The following ZDHHC14 variants were observed in gnomAD, a reference collection of about 807,000 sequenced individuals.
ZDHHC14 encodes the protein palmitoyltransferase ZDHHC14.
ZDHHC14 carries 16 observed loss-of-function variants against 47.7 expected under a neutral mutation model. The ratio of observed to expected loss-of-function variants is 0.34; its 90% confidence interval spans 0.23 to 0.51. ZDHHC14 has a LOEUF of 0.51. ZDHHC14 is among the 20% of genes least tolerant of loss of function. The probability of loss-of-function intolerance (pLI) is 0.97; values close to 1 mark genes in which losing one functional copy is unlikely to be tolerated. For missense variants in ZDHHC14, 515 were observed against 662.5 expected, an observed-to-expected ratio of 0.78 and a Z score of 2.44; for synonymous variants, 293 against 278.9, an observed-to-expected ratio of 1.05 and a Z score of -0.50.
At chr6:157,470,052 G>A (rs1271063494) in intron 1 of ZDHHC14, among the ~76,000 whole-genome samples, 3 of 152,216 alleles carry the variant, frequency 2.0e-5, no homozygotes, top group African/African-American at 7.2e-5. Flanking sequence ...AGGATTCCAT[G>A]AGCCTGGCAC....
chr6:157,531,371 C>A (rs929392808), intron 1 of ZDHHC14, among the ~76,000 whole-genome samples: 1 of 152,016 alleles, frequency 6.6e-6, no homozygotes, highest in Non-Finnish European at 1.5e-5. Flanking sequence ...GTGCACCGTC[C>A]GAAGGAGGCC....
At chr6:157,462,867 A>C (rs1428078030) in intron 1 of ZDHHC14, among the ~76,000 whole-genome samples, 1 of 152,170 alleles carries the variant, frequency 6.6e-6, no homozygotes, top group African/African-American at 2.4e-5. Flanking sequence ...GAAGTTACCC[A>C]TTAAGGGGGC....
chr6:157,553,809 A>G (rs951875676), intron 2 of ZDHHC14, among the ~76,000 whole-genome samples: 5 of 152,164 alleles, frequency 3.3e-5, no homozygotes, highest in African/African-American at 1.2e-4. Flanking sequence ...GAGTTGATTG[A>G]TGGCTACCAT....
intron 2 of ZDHHC14, among the ~76,000 whole-genome samples, chr6:157,554,729 C>T (rs1391696766): frequency 2.6e-5 from 4 of 152,152 alleles, no homozygotes; most frequent in Admixed American, 6.5e-5. Context: ...TTTGAGCCAG[C>T]GAGTAAAAAA....
At chr6:157,431,656 C>T (rs1316655874) in intron 1 of ZDHHC14, among the ~76,000 whole-genome samples, 1 of 152,050 alleles carries the variant, frequency 6.6e-6, no homozygotes, top group Non-Finnish European at 1.5e-5. Context: ...TTGATCTGAA[C>T]CAAACAAGCC....
chr6:157,573,752 G>A (rs1783189766), intron 2 of ZDHHC14, among the ~76,000 whole-genome samples: 1 of 152,196 alleles, frequency 6.6e-6, no homozygotes, highest in African/African-American at 2.4e-5. Context: ...GCTGAGCTTT[G>A]TTTCCAGTAC....
intron 3 of ZDHHC14, among the ~76,000 whole-genome samples, chr6:157,616,923 G>A (rs1784989728): frequency 6.6e-6 from 1 of 152,150 alleles, no homozygotes; most frequent in Non-Finnish European, 1.5e-5. Context: ...GCTGGACCCT[G>A]GGGTTCCCTT....
At chr6:157,492,189 A>ACCCCCCCC (rs1779935764) in intron 1 of ZDHHC14, among the ~76,000 whole-genome samples, 1 of 119,156 alleles carries the variant, frequency 8.4e-6, no homozygotes, top group African/African-American at 3.6e-5. Context: ...GACCCTCAAC[A>ACCCCCCCC]TCCCCCCTCC....
intron 8 of ZDHHC14, among the ~76,000 whole-genome samples, chr6:157,665,284 A>G (rs558042958): frequency 9.2e-5 from 14 of 152,326 alleles, no homozygotes; most frequent in African/African-American, 3.1e-4. Flanking sequence ...GTTACAACCC[A>G]TGTTGCCATA....
At chr6:157,474,472 T>C (rs1200401818) in intron 1 of ZDHHC14, among the ~76,000 whole-genome samples, 1 of 152,176 alleles carries the variant, frequency 6.6e-6, no homozygotes, top group African/African-American at 2.4e-5. Flanking sequence ...CCATTTTTAG[T>C]TTTTTGAGGA....
At chr6:157,408,345 G>A (rs1280864547) in intron 1 of ZDHHC14, among the ~76,000 whole-genome samples, 3 of 152,008 alleles carry the variant, frequency 2.0e-5, no homozygotes, top group Admixed American at 6.5e-5. Flanking sequence ...AGGATGTGCA[G>A]GCTTGTTACA....
chr6:157,603,847 CTGCCT>C (rs1784429829), intron 3 of ZDHHC14, among the ~76,000 whole-genome samples: 1 of 152,190 alleles, frequency 6.6e-6, no homozygotes, highest in South Asian at 2.1e-4. Context: ...CTTACAACCT[CTGCCT>C]GTGGCGAAGA....
At chr6:157,476,547 C>A (rs1276380690) in intron 1 of ZDHHC14, among the ~76,000 whole-genome samples, 1 of 152,188 alleles carries the variant, frequency 6.6e-6, no homozygotes, top group Non-Finnish European at 1.5e-5. Context: ...TACTTCCAAA[C>A]TCATTTTATG....
intron 1 of ZDHHC14, among the ~76,000 whole-genome samples, chr6:157,439,431 G>A (rs948000407): frequency 6.6e-6 from 1 of 152,292 alleles, no homozygotes; most frequent in Middle Eastern, 3.4e-3. Flanking sequence ...CTGATCATTA[G>A]AGAAATGCAA....
intron 3 of ZDHHC14, among the ~76,000 whole-genome samples, chr6:157,615,849 T>C (rs540964248): frequency 1.3e-5 from 2 of 152,210 alleles, no homozygotes; most frequent in African/African-American, 4.8e-5. Flanking sequence ...TTTTAGAAAA[T>C]GAAAAATAAT....
chr6:157,538,299 A>G (rs537108403), intron 1 of ZDHHC14, among the ~76,000 whole-genome samples: 2 of 152,306 alleles, frequency 1.3e-5, no homozygotes, highest in South Asian at 2.1e-4. Flanking sequence ...GAGCTGAGGA[A>G]TATCCTGTCC....
intron 1 of ZDHHC14, among the ~76,000 whole-genome samples, chr6:157,390,310 T>C (rs1178687057): frequency 6.6e-6 from 1 of 152,174 alleles, no homozygotes; most frequent in Non-Finnish European, 1.5e-5. Context: ...GCGATATTTC[T>C]CCAGCTGATT....
At chr6:157,653,157 G>T (rs1777919243) in intron 7 of ZDHHC14, among the ~76,000 whole-genome samples, 1 of 152,202 alleles carries the variant, frequency 6.6e-6, no homozygotes, top group African/African-American at 2.4e-5. Flanking sequence ...CGTTTGCTGA[G>T]TGAATGTAGT....
intron 1 of ZDHHC14, among the ~76,000 whole-genome samples, chr6:157,503,658 C>T (rs895189590): frequency 9.2e-5 from 14 of 152,060 alleles, no homozygotes; most frequent in African/African-American, 2.4e-4. Flanking sequence ...CACAGTATGA[C>T]GAAATGAATT....
Sources: allele counts gnomAD v4.1 joint callset (sites outside exome capture counted in the v4.1 genomes callset), GRCh38; gene constraint gnomAD v4.1.1; transcripts MANE v1.5; gene names NCBI Gene and HGNC (gene_info 2026-07-23, HGNC 2026-07-21).